Variants in SCRG1 observed in about 807,000 individuals in gnomAD.
The protein encoded by SCRG1 is scrapie-responsive protein 1.
In SCRG1, 3 loss-of-function variants were observed where a neutral mutation model predicts 7.7. That is an observed-to-expected ratio of 0.39 (90% CI 0.18 to 1.01). SCRG1 has a LOEUF of 1.01. Ranked by LOEUF, SCRG1 falls within the 50% of genes least tolerant of loss-of-function variation. The pLI is 0.36. For missense variants in SCRG1, 110 were observed against 117.2 expected (o/e 0.94, Z 0.28); for synonymous variants, 46 against 41.2 (o/e 1.12, Z -0.44).
the SCRG1 span, among the ~76,000 whole-genome samples, chr4:173,467,450 C>A: frequency 2.0e-5 from 3 of 152,240 alleles, no homozygotes; most frequent in African/African-American, 7.2e-5. Context: ...TAACTCTTAC[C>A]TTTTAGGTTC....
At chr4:173,408,515 G>T (rs1739968088), upstream of SCRG1, among the ~76,000 whole-genome samples, 1 of 152,068 alleles carries the variant, frequency 6.6e-6, no homozygotes. Context: ...ACAATTTTAA[G>T]TGATTTATTA....
intron 1 of SCRG1, among the ~76,000 whole-genome samples, chr4:173,397,557 G>T (rs1280731233): frequency 6.6e-6 from 1 of 152,082 alleles, no homozygotes; most frequent in Non-Finnish European, 1.5e-5. Context: ...TCATTGCAGA[G>T]GATACAGGAT....
the SCRG1 span, among the ~76,000 whole-genome samples, chr4:173,415,999 C>T: frequency 4.6e-5 from 7 of 152,232 alleles, no homozygotes; most frequent in African/African-American, 1.7e-4. Context: ...CTCTAGGAGG[C>T]CCTGGTAAGA....
chr4:173,423,658 C>CT, the SCRG1 span, among the ~76,000 whole-genome samples: 1 of 150,928 alleles, frequency 6.6e-6, no homozygotes, highest in African/African-American at 2.4e-5. Flanking sequence ...TCTTTTATCT[C>CT]TTTTTTTTTA....
the SCRG1 span, among the ~76,000 whole-genome samples, chr4:173,474,800 T>A: frequency 6.6e-6 from 1 of 152,210 alleles, no homozygotes; most frequent in Non-Finnish European, 1.5e-5. Flanking sequence ...GTTGTAAGCC[T>A]GAGGTCCTTT....
At chr4:173,476,363 A>AAAAAAAAAAAATATAT in the SCRG1 span, among the ~76,000 whole-genome samples, 1 of 98,484 alleles carries the variant, frequency 1.0e-5, no homozygotes, top group South Asian at 3.3e-4. Flanking sequence ...GGAAAAAAAA[A>AAAAAAAAAAAATATAT]ATATATATAT....
At chr4:173,517,153 TC>T in the SCRG1 span, among the ~76,000 whole-genome samples, 4 of 151,948 alleles carry the variant, frequency 2.6e-5, no homozygotes, top group Non-Finnish European at 5.9e-5. Flanking sequence ...CCCGGGAGGC[TC>T]GGGGCTCGGG....
the SCRG1 span, among the ~76,000 whole-genome samples, chr4:173,462,038 T>A: frequency 1.3e-5 from 2 of 152,094 alleles, no homozygotes; most frequent in African/African-American, 2.4e-5. Flanking sequence ...GCAGGATCTA[T>A]ATAGAAAATA....
At chr4:173,433,414 T>G in the SCRG1 span, among the ~76,000 whole-genome samples, 12 of 152,256 alleles carry the variant, frequency 7.9e-5, no homozygotes, top group Non-Finnish European at 1.5e-4. Context: ...TTTAAGCTTG[T>G]TGTGTTTACC....
At chr4:173,482,920 C>A in the SCRG1 span, among the ~76,000 whole-genome samples, 1 of 131,464 alleles carries the variant, frequency 7.6e-6, no homozygotes, top group African/African-American at 2.9e-5. Flanking sequence ...ATATATAATA[C>A]ATATAATATA....
In SCRG1 at chr4:173,385,222, A is replaced by C. The variant is rs1739213900; in HGVS notation, c.*3119T>G. On this transcript the variant is annotated 3_prime_UTR_variant, in exon 3 of 3. Transcript: ENST00000296506. ...AAAAACTCATGCCTGTAATCCTAAC[A>C]CTTTGGGAGGCCAAGGCAGGCAGAT... 2 of 152,194 alleles carry C rather than the reference A, an allele frequency of 1.3e-5. No homozygotes were observed. Among genetic ancestry groups the C allele is most frequent in the Non-Finnish European group, 2.9e-5 (2 of 68,040 alleles). 9.4% of individuals were successfully genotyped at this position (152,194 alleles called of 1,614,324 possible).
At chr4:173,516,817 G>T in the SCRG1 span, among the ~76,000 whole-genome samples, 2 of 152,238 alleles carry the variant, frequency 1.3e-5, no homozygotes, top group Non-Finnish European at 2.9e-5. Flanking sequence ...CCGCGGCGCC[G>T]AGGGGGCCAG....
the SCRG1 span, among the ~76,000 whole-genome samples, chr4:173,449,200 C>G: frequency 6.6e-6 from 1 of 152,318 alleles, no homozygotes; most frequent in East Asian, 1.9e-4. Flanking sequence ...TGATCTAATA[C>G]AAGTTGTTGC....
chr4:173,488,097 CTAAATAAATAAATAAA>C, the SCRG1 span, among the ~76,000 whole-genome samples: 4 of 144,952 alleles, frequency 2.8e-5, no homozygotes, highest in Non-Finnish European at 4.5e-5. Context: ...GAGACTCTGT[CTAAATAAATAAATAAA>C]TAAATAAATA....
At chr4:173,449,165 C>T in the SCRG1 span, among the ~76,000 whole-genome samples, 1 of 152,200 alleles carries the variant, frequency 6.6e-6, no homozygotes, top group Non-Finnish European at 1.5e-5. Context: ...TAACACATCT[C>T]AGGGAAGCAG....
At chr4:173,507,320 C>G in the SCRG1 span, among the ~76,000 whole-genome samples, 1 of 152,164 alleles carries the variant, frequency 6.6e-6, no homozygotes, top group Admixed American at 6.5e-5. This position sits in a 1 kb window ranked among gnomAD's most constrained non-coding sequence, Gnocchi z 4.4. Context: ...AGCGATTCTC[C>G]TGCTTCAGCC....
the SCRG1 span, among the ~76,000 whole-genome samples, chr4:173,436,192 T>C: frequency 6.6e-6 from 1 of 152,218 alleles, no homozygotes; most frequent in African/African-American, 2.4e-5. Flanking sequence ...TACTTAGTGT[T>C]CTGGATTTGA....
the SCRG1 span, among the ~76,000 whole-genome samples, chr4:173,495,436 A>G: frequency 6.6e-6 from 1 of 152,240 alleles, no homozygotes; most frequent in Non-Finnish European, 1.5e-5. Context: ...CTGCCTTTCC[A>G]TGGATTCAGT....
chr4:173,426,467 A>C, the SCRG1 span, among the ~76,000 whole-genome samples: 1 of 152,214 alleles, frequency 6.6e-6, no homozygotes, highest in Non-Finnish European at 1.5e-5. Flanking sequence ...AGCCAGTCCT[A>C]TTTATTTTTA....
Sources: gnomAD v4.1 joint callset for allele counts (sites outside exome capture counted in the v4.1 genomes callset) on GRCh38, gnomAD v4.1.1 for gene constraint, Gnocchi (gnomAD v3.1) non-coding constraint, MANE v1.5 for transcripts, NCBI Gene and HGNC (gene_info 2026-07-23, HGNC 2026-07-21) for gene names.